Variants in TULP4 observed in about 807,000 individuals in gnomAD.
TULP4 encodes TUB like protein 4.
In TULP4, 16 loss-of-function variants were observed where a neutral mutation model predicts 129.0. The observed-to-expected ratio is 0.12, with a 90% CI of 0.08 to 0.19. TULP4 has a LOEUF of 0.19. TULP4 is among the 10% of genes least tolerant of loss of function. The probability of loss-of-function intolerance (pLI) is 1.00; values close to 1 mark genes in which losing one functional copy is unlikely to be tolerated. For missense variants in TULP4, 1,842 were observed against 2,059.1 expected, an observed-to-expected ratio of 0.89 and a Z score of 2.04; for synonymous variants, 998 against 854.0, an observed-to-expected ratio of 1.17 and a Z score of -2.94.
At chr6:158,242,034 A>G (rs1777928750) in intron 1 of TULP4, 6 of 798,434 alleles carry the variant, frequency 7.5e-6, no homozygotes, top group Non-Finnish European at 1.4e-5. Flanking sequence ...TTGCAATTAC[A>G]TCTAGTAACC....
chr6:158,341,138 G>T (rs1780171523), intron 1 of TULP4, among the ~76,000 whole-genome samples: 1 of 152,022 alleles, frequency 6.6e-6, no homozygotes, highest in South Asian at 2.1e-4. Flanking sequence ...GAATCTCCAT[G>T]AGGTCAATTT....
chr6:158,251,629 G>T (rs762637195), intron 1 of TULP4, among the ~76,000 whole-genome samples: 2 of 152,152 alleles, frequency 1.3e-5, no homozygotes, highest in Non-Finnish European at 2.9e-5. Context: ...TATTTTAAAA[G>T]ATGCTTTTTC....
intron 1 of TULP4, among the ~76,000 whole-genome samples, chr6:158,351,071 A>G (rs1458614900): frequency 6.6e-6 from 1 of 152,142 alleles, no homozygotes; most frequent in East Asian, 1.9e-4. Flanking sequence ...GGTCTTTATC[A>G]GTGGCTGTGT....
chr6:158,287,647 G>T (rs1645393741), intron 1 of TULP4, among the ~76,000 whole-genome samples: 1 of 152,214 alleles, frequency 6.6e-6, no homozygotes, highest in South Asian at 2.1e-4. Flanking sequence ...GGAGGAACTG[G>T]CAAGGATTTA....
chr6:158,489,640 C>T lies in TULP4; in HGVS notation c.1539C>T (p.Cys513=), dbSNP rs374753363. The T allele has an allele frequency of 1.1e-4, 182 of 1,614,142 alleles. No homozygotes were observed. Among genetic ancestry groups the T allele is most frequent in the Non-Finnish European group, 1.5e-4 (175 of 1,180,064 alleles). ...CTACTGTGATCGACAGCTGCAACTG[C>T]TCAGACTCCAGTGACATTGAGCTGA... is the stretch of plus-strand genomic sequence containing the variant. ...LISTVIDSCN[C]SDSSDIELSD... is the part of the protein sequence containing the mutation. The change falls in exon 9 of 14, where the codon TGC becomes TGT. Residue 513 remains cysteine (C), a synonymous_variant. Transcript: ENST00000367097.
chr6:158,492,102 C>T (rs1780225235), intron 9 of TULP4, among the ~76,000 whole-genome samples: 1 of 152,184 alleles, frequency 6.6e-6, no homozygotes. Context: ...TTGTGATCCG[C>T]CCGCCTTGGC....
At position 158,425,864 on chromosome 6, in the gene TULP4, G is replaced by C. The variant is rs9456302; in HGVS notation, c.382-3872G>C. 6.7e-3 allele frequency among the ~76,000 whole-genome samples: 1,025 copies of C among 152,276 alleles called. 10 individuals carry two copies. The highest frequency in any genetic ancestry group is 0.023 in the African/African-American group (963 of 41,570). On this transcript the variant is annotated intron_variant, in intron 2 of 13. Transcript: ENST00000367097. ...CCATTTTGGCCTCCCAAAGTGTTGG[G>C]ATTATAGGCGTGAGCCACCTCGCCC... is the stretch of plus-strand genomic sequence containing the variant.
At chr6:158,243,014 C>G (rs1223329929) in intron 1 of TULP4, among the ~76,000 whole-genome samples, 1 of 152,152 alleles carries the variant, frequency 6.6e-6, no homozygotes, top group Admixed American at 6.5e-5. Flanking sequence ...GTCTCGAACT[C>G]CTGACTTCGT....
chr6:158,499,417 T>C (rs1780398470), intron 12 of TULP4, among the ~76,000 whole-genome samples: 1 of 152,218 alleles, frequency 6.6e-6, no homozygotes, highest in Non-Finnish European at 1.5e-5. Context: ...TTTCAAATGG[T>C]AAATATCAAT....
At position 158,504,174 on chromosome 6, in the gene TULP4, G is replaced by A. The variant is rs749901873; in HGVS notation, c.4511G>A (p.Arg1504Gln). 49 of 1,582,552 alleles carry A rather than the reference G, an allele frequency of 3.1e-5. No individual in the cohort carries two copies. The highest frequency in any genetic ancestry group is 1.4e-4 in the Admixed American group (8 of 56,436). The change falls in exon 13 of 14, where the codon CGG (arginine) becomes CAG (glutamine). Residue 1504 changes from arginine to glutamine, a missense_variant. Transcript: ENST00000367097. ...AKNFQIELEG[R>Q]QVMQFGRIDG... ...AACTTCCAGATTGAGTTAGAGGGGC[G>A]GCAGGTAAGACCTCAGACCAGGTGG...
In TULP4 at chr6:158,240,720, G is replaced by A. The variant is rs1435419445; in HGVS notation, n.68+8417G>A. Among the ~76,000 whole-genome samples, 14 of 121,556 alleles carry A rather than the reference G, an allele frequency of 1.2e-4. 1 individual carries two copies. Among genetic ancestry groups the A allele is most frequent in the Admixed American group, 1.7e-4 (2 of 11,690 alleles). 79.7% of individuals were successfully genotyped at this position (121,556 alleles called of 152,430 possible). On this transcript the variant is annotated intron_variant and non_coding_transcript_variant, in intron 1 of 1. Coordinates refer to the TULP4 transcript ENST00000620026. ...GGCTGACCCCCCCCACCTCCCTCCC[G>A]GACGGGGCGGCTGGCCGGGCGGGGG...
intron 1 of TULP4, among the ~76,000 whole-genome samples, chr6:158,286,429 T>G (rs1057477057): frequency 2.0e-5 from 3 of 152,212 alleles, no homozygotes; most frequent in African/African-American, 7.2e-5. Flanking sequence ...ATGGATTGTG[T>G]TTAGTAATTT....
At chr6:158,412,942 C>A (rs922459595) in intron 1 of TULP4, 123 bp from the exon 2 acceptor site, 1 of 1,354,492 alleles carries the variant, frequency 7.4e-7, no homozygotes, top group Non-Finnish European at 9.8e-7. Flanking sequence ...TCCCTGCATT[C>A]GCCCCCAGTC....
At chr6:158,454,002 T>A (rs1779228085) in intron 5 of TULP4, among the ~76,000 whole-genome samples, 1 of 138,684 alleles carries the variant, frequency 7.2e-6, no homozygotes, top group Non-Finnish European at 1.5e-5. Context: ...TTGGCAAGAA[T>A]CATACCTGCC....
At chr6:158,418,834 T>C (rs1421254768) in intron 2 of TULP4, among the ~76,000 whole-genome samples, 1 of 152,230 alleles carries the variant, frequency 6.6e-6, no homozygotes, top group Non-Finnish European at 1.5e-5. Flanking sequence ...TTTTGTGTGA[T>C]GTAAAATTGC....
chr6:158,296,732 C>T lies in TULP4; in HGVS notation n.116+14354C>T, dbSNP rs189218624. ...GAGAGGAATTTTACAGCTGGGCTGC[C>T]GGAGATGACATCACATATTGGTAGG... is the stretch of plus-strand genomic sequence containing the variant. On this transcript the variant is annotated intron_variant and non_coding_transcript_variant, in intron 1 of 1. Transcript: ENST00000432358. 3.1e-4 allele frequency among the ~76,000 whole-genome samples: 47 copies of T among 152,198 alleles called. No individual in the cohort carries two copies. In the East Asian group the frequency reaches 4.6e-3, roughly 15 times the overall value.
chr6:158,366,763 A>G (rs1053725357), intron 1 of TULP4, among the ~76,000 whole-genome samples: 1 of 152,198 alleles, frequency 6.6e-6, no homozygotes, highest in Non-Finnish European at 1.5e-5. Flanking sequence ...AGTGAGTGAT[A>G]CGTAAAACCT....
At chr6:158,232,955 A>C (rs1168611731) in intron 1 of TULP4, among the ~76,000 whole-genome samples, 1 of 152,230 alleles carries the variant, frequency 6.6e-6, no homozygotes, top group Non-Finnish European at 1.5e-5. Flanking sequence ...CAAATCACGG[A>C]GATTCTGTTC....
At chr6:158,419,493 A>G (rs1390213855) in intron 2 of TULP4, among the ~76,000 whole-genome samples, 1 of 152,258 alleles carries the variant, frequency 6.6e-6, no homozygotes, top group Non-Finnish European at 1.5e-5. Flanking sequence ...AATGCTAATT[A>G]GAATAAATGT....
Sources: gnomAD v4.1 joint callset for allele counts (sites outside exome capture counted in the v4.1 genomes callset) on GRCh38, gnomAD v4.1.1 for gene constraint, MANE v1.5 for transcripts, NCBI Gene and HGNC (gene_info 2026-07-23, HGNC 2026-07-21) for gene names.